Variants in PRKAA2 observed in about 807,000 individuals in gnomAD.
PRKAA2 encodes 5'-AMP-activated protein kinase catalytic subunit alpha-2.
Under a neutral mutation model 56.3 loss-of-function variants are expected in PRKAA2, and 40 were observed. The ratio of observed to expected loss-of-function variants is 0.71; its 90% CI spans 0.55 to 0.92. The LOEUF is 0.92. PRKAA2 is among the 40% of genes least tolerant of loss of function. The probability of loss-of-function intolerance (pLI) is 0.00; values close to 1 mark genes in which losing one functional copy is unlikely to be tolerated. For missense variants in PRKAA2, 542 were observed against 686.9 expected (o/e 0.79, Z 2.36); for synonymous variants, 214 against 234.2 (o/e 0.91, Z 0.79).
rs538999354 is a variant in PRKAA2 at position 56,682,493 on chromosome 1, A to G, written c.236+7971A>G. Reference sequence around the variant, plus strand: ...GAAGCAAACTTCAAGTGTTGTAGGCAAAGGAAGATTATGTACTCTCAGGAG... The same window carrying G: ...GAAGCAAACTTCAAGTGTTGTAGGCGAAGGAAGATTATGTACTCTCAGGAG... On this transcript the variant is annotated intron_variant, in intron 2 of 8. Coordinates refer to ENST00000371244, the MANE Select transcript of PRKAA2 (RefSeq NM_006252.4). Among the ~76,000 whole-genome samples the G allele has an allele frequency of 2.6e-5, 4 of 152,310 alleles. No homozygotes were observed. The South Asian group carries it at 8.3e-4, about 32-fold the overall frequency.
At chr1:56,692,085 C>CGCA (rs1427316834) in intron 3 of PRKAA2, among the ~76,000 whole-genome samples, 1 of 137,896 alleles carries the variant, frequency 7.3e-6, no homozygotes, top group African/African-American at 2.8e-5. Flanking sequence ...CAGGCTGGAG[C>CGCA]GCAGTGGCAT....
intron 2 of PRKAA2, among the ~76,000 whole-genome samples, chr1:56,690,329 A>G (rs942415548): frequency 1.6e-4 from 25 of 151,914 alleles, no homozygotes; most frequent in Non-Finnish European, 2.6e-4. Flanking sequence ...ATGCCCAGCT[A>G]ATTTTTTGTA....
At chr1:56,679,092 A>G (rs1376550114) in intron 2 of PRKAA2, among the ~76,000 whole-genome samples, 1 of 152,018 alleles carries the variant, frequency 6.6e-6, no homozygotes, top group Non-Finnish European at 1.5e-5. Flanking sequence ...TTTCCATGAC[A>G]CCTCAGGCTT....
intron 2 of PRKAA2, among the ~76,000 whole-genome samples, chr1:56,690,809 A>T (rs986645407): frequency 6.6e-6 from 1 of 152,192 alleles, no homozygotes. Context: ...CTGGTAAAAT[A>T]CTGACTTTAG....
At chr1:56,655,265 T>C (rs1557542327) in intron 1 of PRKAA2, among the ~76,000 whole-genome samples, 1 of 67,008 alleles carries the variant, frequency 1.5e-5, no homozygotes. Flanking sequence ...TGTATTTATA[T>C]ATCTATATAT....
chr1:56,687,311 A>C (rs1003200733), intron 2 of PRKAA2, among the ~76,000 whole-genome samples: 1 of 152,204 alleles, frequency 6.6e-6, no homozygotes, highest in African/African-American at 2.4e-5. Context: ...TATTACATAG[A>C]GCGTGATACC....
intron 8 of PRKAA2, among the ~76,000 whole-genome samples, chr1:56,706,807 G>T (rs1358014061): frequency 6.6e-6 from 1 of 152,120 alleles, no homozygotes; most frequent in East Asian, 1.9e-4. Context: ...ATAAACTAAG[G>T]GTCAGGTGCT....
chr1:56,703,874 G>A, intron 6 of PRKAA2, 97 bp from the exon 7 acceptor site: 1 of 1,368,936 alleles, frequency 7.3e-7, no homozygotes, highest in Non-Finnish European at 1.0e-6. Flanking sequence ...CTAGAGACCA[G>A]ATCTTTTGAT....
chr1:56,677,967 A>AT (rs1644125746), intron 2 of PRKAA2, among the ~76,000 whole-genome samples: 2 of 152,076 alleles, frequency 1.3e-5, no homozygotes, highest in Admixed American at 1.3e-4. Context: ...CCGAAGACTT[A>AT]TTTTTGATGT....
At chr1:56,691,933 G>T (rs943331949) in intron 3 of PRKAA2, among the ~76,000 whole-genome samples, 1 of 150,796 alleles carries the variant, frequency 6.6e-6, no homozygotes, top group African/African-American at 2.4e-5. Flanking sequence ...GGTTTATTTT[G>T]TCTGATTTGT....
intron 6 of PRKAA2, among the ~76,000 whole-genome samples, chr1:56,697,290 C>T (rs1169034079): frequency 6.6e-6 from 1 of 152,010 alleles, no homozygotes; most frequent in East Asian, 1.9e-4. Context: ...TCCCAAAGTG[C>T]TGGGATTACA....
intron 1 of PRKAA2, among the ~76,000 whole-genome samples, chr1:56,667,933 A>C (rs1430422056): frequency 6.6e-6 from 1 of 152,084 alleles, no homozygotes; most frequent in Non-Finnish European, 1.5e-5. Flanking sequence ...TTTTAGTCTA[A>C]ATTTTAAGTC....
At chr1:56,703,436 A>G (rs1644309499) in intron 6 of PRKAA2, among the ~76,000 whole-genome samples, 1 of 152,192 alleles carries the variant, frequency 6.6e-6, no homozygotes, top group African/African-American at 2.4e-5. Context: ...TACCTTCTTC[A>G]TTCAATCTGT....
At chr1:56,702,559 A>G (rs1484221508) in intron 6 of PRKAA2, among the ~76,000 whole-genome samples, 2 of 152,190 alleles carry the variant, frequency 1.3e-5, no homozygotes, top group African/African-American at 2.4e-5. Flanking sequence ...ATCTGATTTC[A>G]TTTGGTACTC....
At chr1:56,674,933 T>C (rs1009817391) in intron 2 of PRKAA2, among the ~76,000 whole-genome samples, 1 of 152,082 alleles carries the variant, frequency 6.6e-6, no homozygotes, top group Non-Finnish European at 1.5e-5. Flanking sequence ...TATTTTTTCC[T>C]TTGGAAAGAT....
At chr1:56,689,915 C>G (rs946775557) in intron 2 of PRKAA2, among the ~76,000 whole-genome samples, 7 of 151,102 alleles carry the variant, frequency 4.6e-5, no homozygotes, top group Admixed American at 1.3e-4. Flanking sequence ...CACACACACA[C>G]ACACACACAC....
rs1644361470 is a variant in PRKAA2, at chr1:56,710,296, T to G, written c.*2583T>G. The G allele has an allele frequency of 6.6e-6, 1 of 152,042 alleles. No individual in the cohort carries two copies. Among genetic ancestry groups the G allele is most frequent in the African/African-American group, 2.4e-5 (1 of 41,406 alleles). The allele number at this position is 152,042 out of a possible 1,614,324, so 9.4% of individuals were successfully genotyped here. ...TCCCAAAGTATATCCTGTGAGATGC[T>G]CCACAGAAAAAATGATTGCATGGAC... On this transcript the variant is annotated 3_prime_UTR_variant, in exon 9 of 9. Transcript: ENST00000371244.
intron 5 of PRKAA2, 44 bp from the exon 6 acceptor site, chr1:56,695,891 G>A: frequency 6.5e-7 from 1 of 1,537,102 alleles, no homozygotes; most frequent in Non-Finnish European, 9.0e-7. Context: ...TAGAGAAAAA[G>A]TGATTCTTGC....
At chr1:56,691,676 AAT>A (rs1569776332) in intron 3 of PRKAA2, among the ~76,000 whole-genome samples, 189 bp downstream of exon 3, 1 of 152,218 alleles carries the variant, frequency 6.6e-6, no homozygotes, top group East Asian at 1.9e-4. Context: ...GATTTTAGAA[AAT>A]ATGTTTCACT....
Sources: gnomAD v4.1 joint callset for allele counts (sites outside exome capture counted in the v4.1 genomes callset) on GRCh38, gnomAD v4.1.1 for gene constraint, MANE v1.5 for transcripts, NCBI Gene and HGNC (gene_info 2026-07-23, HGNC 2026-07-21) for gene names.